The following BRWD3 variants were observed in gnomAD, a reference collection of about 807,000 sequenced individuals.
BRWD3 encodes bromodomain and WD repeat-containing protein 3.
A neutral mutation model predicts 149.7 loss-of-function variants in BRWD3; 10 were observed. The ratio of observed to expected loss-of-function variants is 0.07; its 90% confidence interval spans 0.04 to 0.11. BRWD3 has a LOEUF of 0.11. BRWD3 is among the 10% of genes least tolerant of loss of function. The probability of loss-of-function intolerance (pLI) is 1.00; values close to 1 mark genes in which losing one functional copy is unlikely to be tolerated. For missense variants in BRWD3, 940 were observed against 1,373.2 expected (o/e 0.68, Z 4.99); for synonymous variants, 504 against 456.7 (o/e 1.10, Z -1.32).
At chrX:80,801,737 G>A (rs2074300010) in intron 4 of BRWD3, among the ~76,000 whole-genome samples, 1 of 110,660 alleles carries the variant, frequency 9.0e-6, no homozygotes, top group Non-Finnish European at 1.9e-5. Context: ...AGCTACTCTG[G>A]AAGCTAGGGC....
At chrX:80,716,321 A>G in intron 19 of BRWD3, 71 bp from the exon 20 acceptor site, 1 of 863,400 alleles carries the variant, frequency 1.2e-6, no homozygotes, top group Non-Finnish European at 1.7e-6. Context: ...ATCAGATAAT[A>G]AAAATACTTT....
chrX:80,787,956 C>T (rs935386049), intron 6 of BRWD3, among the ~76,000 whole-genome samples: 12 of 109,205 alleles, frequency 1.1e-4, no homozygotes, highest in Non-Finnish European at 1.9e-4. Context: ...TGGTGGCGGG[C>T]GCTTGTAGTC....
intron 24 of BRWD3, 82 bp downstream of exon 24, chrX:80,703,398 T>C: frequency 3.4e-6 from 2 of 580,787 alleles, no homozygotes; most frequent in Non-Finnish European, 2.8e-6. Flanking sequence ...ATAATGGAAT[T>C]AGGAATATAA....
intron 6 of BRWD3, among the ~76,000 whole-genome samples, chrX:80,754,933 A>G (rs1400108246): frequency 1.8e-5 from 2 of 111,547 alleles, no homozygotes; most frequent in Admixed American, 9.6e-5. Flanking sequence ...TCTTGAACCC[A>G]GAAGGCGGAG....
At chrX:80,796,706 A>T (rs2074243250) in intron 4 of BRWD3, among the ~76,000 whole-genome samples, 1 of 112,314 alleles carries the variant, frequency 8.9e-6, no homozygotes, top group Non-Finnish European at 1.9e-5. Context: ...TGGTAATCAG[A>T]TTATTTCAGA....
rs2147659830 is a variant in BRWD3, at chrX:80,669,935, G to C, written c.*6674C>G. On this transcript the variant is annotated 3_prime_UTR_variant, in exon 41 of 41. Transcript: ENST00000373275. ...TCAAAATTAATACTAGATTCAGAAA[G>C]ACTTTTAGGTCTCCAACATCAAATT... 9.0e-6 allele frequency among the ~76,000 whole-genome samples: 1 copy of C among 110,788 alleles called. No homozygotes were observed. Among genetic ancestry groups the C allele is most frequent in the Admixed American group, 9.7e-5 (1 of 10,349 alleles).
chrX:80,749,630 C>T (rs760494462), intron 6 of BRWD3, among the ~76,000 whole-genome samples: 1 of 110,815 alleles, frequency 9.0e-6, no homozygotes, highest in Non-Finnish European at 1.9e-5. Flanking sequence ...GGTTTTTCAT[C>T]CATTCAGCAG....
chrX:80,757,045 A>G lies in BRWD3; in HGVS notation c.431-11316T>C, dbSNP rs1007119578. Among the ~76,000 whole-genome samples the G allele has an allele frequency of 3.6e-5, 4 of 111,906 alleles. No individual in the cohort carries two copies. The Admixed American group carries it at 3.8e-4, about 11-fold the overall frequency. ...TACAAATAAATGATCAAAAAACCCC[A>G]TACTCCTAGCCTGATGTATTCACTA... On this transcript the variant is annotated intron_variant, in intron 6 of 40. Coordinates refer to ENST00000373275, the MANE Select transcript of BRWD3 (RefSeq NM_153252.5).
At chrX:80,686,386 C>T (rs1224594992) in intron 35 of BRWD3, among the ~76,000 whole-genome samples, 2 of 107,937 alleles carry the variant, frequency 1.9e-5, no homozygotes, top group Non-Finnish European at 3.8e-5. Flanking sequence ...CAAACCTGCA[C>T]GTTGTGCACA....
chrX:80,747,573 T>C (rs1316112753), intron 6 of BRWD3, among the ~76,000 whole-genome samples: 3 of 111,506 alleles, frequency 2.7e-5, no homozygotes, highest in Non-Finnish European at 5.7e-5. Context: ...AGCAAATCCA[T>C]GAACATGGGA....
chrX:80,678,074 A>G (rs755863613), intron 40 of BRWD3, among the ~76,000 whole-genome samples: 46 of 111,672 alleles, frequency 4.1e-4, no homozygotes, highest in Non-Finnish European at 7.9e-4. Flanking sequence ...TCTGATTTAC[A>G]CTTTTAAAAT....
At chrX:80,775,573 C>T (rs954645422) in intron 6 of BRWD3, among the ~76,000 whole-genome samples, 3 of 111,794 alleles carry the variant, frequency 2.7e-5, no homozygotes, top group African/African-American at 9.7e-5. Flanking sequence ...GATTGCAGAA[C>T]ACTTAAAATA....
chrX:80,745,710 C>T lies in BRWD3; in HGVS notation c.450G>A (p.Arg150=). The T allele has an allele frequency of 1.7e-6, 2 of 1,206,575 alleles. No homozygotes were observed. The highest frequency in any genetic ancestry group is 2.2e-6 in the Non-Finnish European group (2 of 892,715). The part of the protein sequence containing the change: ...PPNVVNITSA[R]QLTGCSRFGH... ...CAAAGCGACTACAGCCGGTTAATTGCCTGGCAGAGGTGATATTCACTGAAA... is the reference window on the plus strand; with the variant it reads ...CAAAGCGACTACAGCCGGTTAATTGTCTGGCAGAGGTGATATTCACTGAAA... The change falls in exon 7 of 41, where the codon AGG becomes AGA. Residue 150 remains arginine, a synonymous_variant. Coordinates refer to ENST00000373275, the MANE Select transcript of BRWD3 (RefSeq NM_153252.5).
At chrX:80,716,523 T>C (rs2073076170) in intron 19 of BRWD3, among the ~76,000 whole-genome samples, 1 of 111,893 alleles carries the variant, frequency 8.9e-6, no homozygotes, top group Non-Finnish European at 1.9e-5. Context: ...CTCTAATCTA[T>C]TGTATGTCTC....
At chrX:80,760,651 CTG>C (rs1430127329) in intron 6 of BRWD3, among the ~76,000 whole-genome samples, 3 of 111,426 alleles carry the variant, frequency 2.7e-5, no homozygotes, top group African/African-American at 9.8e-5. Flanking sequence ...TCAAACCAGA[CTG>C]TGGTTTTCTT....
At chrX:80,694,434 A>G (rs1180008325) in intron 27 of BRWD3, among the ~76,000 whole-genome samples, 2 of 111,086 alleles carry the variant, frequency 1.8e-5, no homozygotes, top group East Asian at 5.7e-4. Flanking sequence ...GTGAGAAGAG[A>G]GTCACCGTCC....
At position 80,716,148 on chromosome X, in the gene BRWD3, T is replaced by C; in HGVS notation, c.2325+9A>G. Reference sequence around the variant, plus strand: ...AGTGTATCCCAAAGTATTGTAAAACTATACTTACCCTTTGAGTAGTGTAAG... The same window carrying C: ...AGTGTATCCCAAAGTATTGTAAAACCATACTTACCCTTTGAGTAGTGTAAG... On this transcript the variant is annotated intron_variant, in intron 20 of 40. Transcript: ENST00000373275. 1 of 1,164,900 alleles carries C rather than the reference T, an allele frequency of 8.6e-7. No individual in the cohort carries two copies.
chrX:80,686,922 T>G lies in BRWD3; in HGVS notation c.3946A>C (p.Ile1316Leu), dbSNP rs776652349. 1 of 1,209,680 alleles carries G rather than the reference T, an allele frequency of 8.3e-7. No individual in the cohort carries two copies. Among genetic ancestry groups the G allele is most frequent in the Non-Finnish European group, 1.1e-6 (1 of 894,007 alleles). Residue 1316 changes from isoleucine (I) to leucine (L), a missense_variant, in exon 35 of 41, where the codon ATT becomes CTT. Transcript: ENST00000373275. ...GGCTCCGAGTCTTCACGTTCATAAA[T>G]GAGGCTCAATAGTTCCTTGCATTGT... The part of the protein sequence containing the change: ...KKQCKELLSL[I>L]YEREDSEPFR...
intron 6 of BRWD3, among the ~76,000 whole-genome samples, chrX:80,783,492 C>T (rs1378238927): frequency 9.1e-6 from 1 of 109,909 alleles, no homozygotes. Context: ...ATCAGTATAG[C>T]CACTATGGTT....
Sources: gnomAD v4.1 joint callset for allele counts (sites outside exome capture counted in the v4.1 genomes callset) on GRCh38, gnomAD v4.1.1 for gene constraint, MANE v1.5 for transcripts, NCBI Gene and HGNC (gene_info 2026-07-23, HGNC 2026-07-21) for gene names.